The following CMIP variants were observed in gnomAD, a reference collection of about 807,000 sequenced individuals.
CMIP encodes the protein C-Maf-inducing protein.
In CMIP, 13 loss-of-function variants were observed where a neutral mutation model predicts 97.3. The observed-to-expected ratio is 0.13, with a 90% confidence interval of 0.09 to 0.21. The LOEUF (loss-of-function observed/expected upper bound fraction) is 0.21, where lower values mean the gene tolerates loss of function less well. Ranked by LOEUF, CMIP falls within the 10% of genes least tolerant of loss-of-function variation. The pLI, the probability that CMIP is intolerant of heterozygous loss-of-function variation, is 1.00. For synonymous variants in CMIP, 538 were observed against 436.3 expected (o/e 1.23, Z -2.91); for missense variants, 847 against 1,024.9 (o/e 0.83, Z 2.37).
At chr16:81,450,013 C>T (rs1224519581) in intron 1 of CMIP, among the ~76,000 whole-genome samples, 1 of 152,250 alleles carries the variant, frequency 6.6e-6, no homozygotes, top group Non-Finnish European at 1.5e-5. Context: ...GCAGTTGCTG[C>T]TGGCTTGGGC....
Position 81,709,874 on chromosome 16 carries a change from G to T in CMIP, c.*75G>T. 1.3e-6 allele frequency: 2 copies of T among 1,519,082 alleles called. No individual in the cohort carries two copies. Among genetic ancestry groups the T allele is most frequent in the Non-Finnish European group, 1.8e-6 (2 of 1,110,226 alleles). The allele number at this position is 1,519,082 out of a possible 1,614,324, so 94.1% of individuals were successfully genotyped here. A position where few individuals can be genotyped will look rare whatever the true frequency, so the allele number is the denominator to read the frequency against. On this transcript the variant is annotated 3_prime_UTR_variant, in exon 21 of 21. Coordinates refer to ENST00000537098, the MANE Select transcript of CMIP (RefSeq NM_198390.3). The stretch of plus-strand genomic sequence containing the variant: ...CTTGACTAACAGCCGCAGAGCAGCC[G>T]GTCCTGGGGTCCCACCCTGGTGCCC...
At chr16:81,636,985 CTTT>C (rs1205717714) in intron 3 of CMIP, among the ~76,000 whole-genome samples, 1 of 152,168 alleles carries the variant, frequency 6.6e-6, no homozygotes, top group Non-Finnish European at 1.5e-5. Context: ...CTCCTTCCTT[CTTT>C]TTAACTGCTG....
intron 1 of CMIP, among the ~76,000 whole-genome samples, chr16:81,555,975 G>A (rs934557183): frequency 3.9e-5 from 6 of 152,198 alleles, no homozygotes; most frequent in African/African-American, 1.2e-4. Context: ...ATTAATAGGA[G>A]CTCCATTGTG....
At chr16:81,704,208 T>G in intron 18 of CMIP, 123 bp downstream of exon 18, 3 of 356,764 alleles carry the variant, frequency 8.4e-6, no homozygotes, top group South Asian at 2.8e-5. Flanking sequence ...TCCCCCTCCT[T>G]CCTGCCCCCT....
chr16:81,696,918 A>G, intron 14 of CMIP: 1 of 556,344 alleles, frequency 1.8e-6, no homozygotes, highest in Non-Finnish European at 3.2e-6. Flanking sequence ...CAGCACAGTG[A>G]GAAGACGACA....
chr16:81,588,493 G>A (rs1013281745), intron 1 of CMIP, among the ~76,000 whole-genome samples: 6 of 152,154 alleles, frequency 3.9e-5, no homozygotes, highest in African/African-American at 1.4e-4. Flanking sequence ...CTGTACCTTG[G>A]GAGGCGCTGA....
intron 1 of CMIP, among the ~76,000 whole-genome samples, chr16:81,462,944 C>T (rs374375284): frequency 1.4e-4 from 21 of 152,124 alleles, no homozygotes; most frequent in East Asian, 7.7e-4. Context: ...GAATACTAAG[C>T]ATGAGAAAAT....
At chr16:81,579,300 G>GT (rs1401976836) in intron 1 of CMIP, among the ~76,000 whole-genome samples, 2 of 152,192 alleles carry the variant, frequency 1.3e-5, no homozygotes, top group African/African-American at 4.8e-5. Context: ...CAGCTCTCAG[G>GT]TGTGGAAGGC....
intron 18 of CMIP, 150 bp from the exon 19 acceptor site, chr16:81,705,349 C>T (rs1022474877): frequency 1.2e-5 from 7 of 578,342 alleles, no homozygotes; most frequent in East Asian, 5.8e-5. Flanking sequence ...GTTTAGGGGA[C>T]GTGAACGCAG....
intron 1 of CMIP, among the ~76,000 whole-genome samples, chr16:81,480,788 A>G (rs1446972833): frequency 1.3e-5 from 2 of 152,182 alleles, no homozygotes; most frequent in Non-Finnish European, 2.9e-5. Context: ...TTATGATGAC[A>G]TCAGTTTCCC....
At chr16:81,625,591 T>C (rs968276765) in intron 3 of CMIP, among the ~76,000 whole-genome samples, 2 of 152,120 alleles carry the variant, frequency 1.3e-5, no homozygotes, top group Admixed American at 6.5e-5. Flanking sequence ...TTACAAAGCA[T>C]TGAGAAGATT....
At chr16:81,476,449 A>G in intron 1 of CMIP, 2 of 897,844 alleles carry the variant, frequency 2.2e-6, no homozygotes, top group Non-Finnish European at 3.7e-6. Flanking sequence ...GTTTGCAAAC[A>G]GCTCGAAGGA....
intron 1 of CMIP, among the ~76,000 whole-genome samples, chr16:81,577,174 C>G (rs974892407): frequency 1.4e-5 from 2 of 146,428 alleles, no homozygotes; most frequent in African/African-American, 5.3e-5. Flanking sequence ...ACATTATTAT[C>G]ACTATCACCA....
chr16:81,650,174 G>A (rs2092411034), intron 3 of CMIP, among the ~76,000 whole-genome samples: 1 of 152,180 alleles, frequency 6.6e-6, no homozygotes, highest in Admixed American at 6.5e-5. Context: ...CCGACAACTT[G>A]TCACGCGTTT....
intron 1 of CMIP, among the ~76,000 whole-genome samples, chr16:81,573,038 T>C (rs1275219744): frequency 6.6e-6 from 1 of 152,188 alleles, no homozygotes; most frequent in Admixed American, 6.5e-5. Context: ...GCCATAATAG[T>C]GACATTACAA....
At chr16:81,457,755 A>G (rs1029122825) in intron 1 of CMIP, among the ~76,000 whole-genome samples, 5 of 152,052 alleles carry the variant, frequency 3.3e-5, no homozygotes, top group African/African-American at 1.2e-4. Flanking sequence ...TCCCACAGTC[A>G]CCTCGTCTCT....
chr16:81,485,243 A>G (rs1232765796), intron 1 of CMIP, among the ~76,000 whole-genome samples: 3 of 152,224 alleles, frequency 2.0e-5, no homozygotes, highest in Admixed American at 1.3e-4. Context: ...CTAGTATAAT[A>G]TGTTCTCCAT....
chr16:81,543,871 CCTT>C lies in CMIP; in HGVS notation c.301-63693_301-63691del, dbSNP rs2090494042. Among the ~76,000 whole-genome samples the C allele has an allele frequency of 3.3e-5, 5 of 152,346 alleles. No homozygotes were observed. The South Asian group carries it at 1.0e-3, about 32-fold the overall frequency. ...GACCCCTGAAATGCCTTCCATTTCA[CCTT>C]CTACTTTCTGTCTAAAGAAGAGGGT... On this transcript the variant is annotated intron_variant, in intron 1 of 20. Transcript: ENST00000537098.
At chr16:81,608,271 T>G (rs1038917140) in intron 2 of CMIP, among the ~76,000 whole-genome samples, 3 of 152,194 alleles carry the variant, frequency 2.0e-5, no homozygotes, top group African/African-American at 7.2e-5. Flanking sequence ...TTAAATTAAC[T>G]ATTAAAGTAA....
Sources: gnomAD v4.1 joint callset for allele counts (sites outside exome capture counted in the v4.1 genomes callset) on GRCh38, gnomAD v4.1.1 for gene constraint, MANE v1.5 for transcripts, NCBI Gene and HGNC (gene_info 2026-07-23, HGNC 2026-07-21) for gene names.